ZNF700: variants seen among roughly 807,000 people sequenced by gnomAD.
ZNF700 encodes zinc finger protein 700.
Under a neutral mutation model 65.3 loss-of-function variants are expected in ZNF700, and 38 were observed. The ratio of observed to expected loss-of-function variants is 0.58; its 90% CI spans 0.45 to 0.76. ZNF700 has a LOEUF of 0.76. ZNF700 is among the 30% of genes least tolerant of loss of function. The pLI is 0.00. For missense variants in ZNF700, 857 were observed against 888.4 expected (o/e 0.96, Z 0.45); for synonymous variants, 285 against 290.4 (o/e 0.98, Z 0.19).
chr19:11,948,498 A>G lies in ZNF700; in HGVS notation c.474A>G (p.Glu158=), dbSNP rs570416457. The G allele has an allele frequency of 2.2e-5, 35 of 1,613,860 alleles. No individual in the cohort carries two copies. Among genetic ancestry groups the G allele is most frequent in the Non-Finnish European group, 2.8e-5 (33 of 1,179,982 alleles). Residue 158 remains glutamate, a synonymous_variant, in exon 4 of 4, where the codon GAA becomes GAG. Coordinates refer to ENST00000254321, the MANE Select transcript of ZNF700 (RefSeq NM_144566.3). ...DTGHKAYEYQ[E]YGPKPYKCQQ... is the part of the protein sequence containing the mutation. ...GACACAAGGCATATGAGTATCAGGA[A>G]TATGGACCAAAGCCATATAAGTGTC...
At chr19:11,945,365 T>C (rs2145296916) in intron 1 of ZNF700, among the ~76,000 whole-genome samples, 1 of 152,332 alleles carries the variant, frequency 6.6e-6, no homozygotes, top group South Asian at 2.1e-4. Flanking sequence ...TGACCTGCTT[T>C]CTTTCTGAGC....
At chr19:11,928,728 T>C in intron 1 of ZNF700, among the ~76,000 whole-genome samples, 1 of 112,278 alleles carries the variant, frequency 8.9e-6, no homozygotes, top group Admixed American at 9.1e-5. Context: ...CGAGACTCCG[T>C]CTCAAAAAAA....
chr19:11,935,626 C>G (rs551188280), intron 1 of ZNF700, among the ~76,000 whole-genome samples: 8 of 152,248 alleles, frequency 5.3e-5, no homozygotes, highest in African/African-American at 1.9e-4. Context: ...GATAGGCGTT[C>G]TGCAATTATT....
rs763006583 is a variant in ZNF700, at chr19:11,949,374, A to G, written c.1350A>G (p.Glu450=). The G allele has an allele frequency of 4.3e-6, 7 of 1,613,352 alleles. No homozygotes were observed. The highest frequency in any genetic ancestry group is 2.7e-5 in the African/African-American group (2 of 74,728). ...GAGAGAAACCCTATGAATGTAAGGA[A>G]TGTGGGAAAGCCTTCAGATCTACCT... ...HTGEKPYECK[E]CGKAFRSTSH... is the part of the protein sequence containing the mutation. The change falls in exon 4 of 4, where the codon GAA becomes GAG. Residue 450 remains glutamate, a synonymous_variant. Coordinates refer to ENST00000254321, the MANE Select transcript of ZNF700 (RefSeq NM_144566.3).
At chr19:11,945,710 TTCC>T (rs986323452) in intron 1 of ZNF700, among the ~76,000 whole-genome samples, 2 of 152,048 alleles carry the variant, frequency 1.3e-5, no homozygotes, top group African/African-American at 4.8e-5. Flanking sequence ...AAAGTCTTCA[TTCC>T]TCCTCCTGGG....
At chr19:11,939,417 G>A (rs1408812110) in intron 1 of ZNF700, among the ~76,000 whole-genome samples, 1 of 152,144 alleles carries the variant, frequency 6.6e-6, no homozygotes, top group Non-Finnish European at 1.5e-5. Context: ...GCGTAAGGAA[G>A]GGATCCAGTT....
chr19:11,938,417 ATGT>A (rs1311511347), intron 1 of ZNF700, among the ~76,000 whole-genome samples: 2 of 151,924 alleles, frequency 1.3e-5, no homozygotes, highest in Non-Finnish European at 2.9e-5. Context: ...CCGGTGTGTG[ATGT>A]TCCCCTCCCT....
At chr19:11,932,638 T>A (rs1952640371) in intron 1 of ZNF700, among the ~76,000 whole-genome samples, 1 of 115,868 alleles carries the variant, frequency 8.6e-6, no homozygotes, top group South Asian at 2.4e-4. Flanking sequence ...ATATGTGATT[T>A]TTTTTTTTTT....
At chr19:11,939,486 G>A (rs569582682) in intron 1 of ZNF700, among the ~76,000 whole-genome samples, 15 of 152,230 alleles carry the variant, frequency 9.9e-5, no homozygotes, top group African/African-American at 2.6e-4. Context: ...ATAGGGAATC[G>A]TTTCCCCATT....
rs560411683 is a variant in ZNF700 at position 11,950,426 on chromosome 19, C to T, written c.*173C>T. The T allele has an allele frequency of 4.2e-5, 32 of 767,804 alleles. No individual in the cohort carries two copies. The highest frequency in any genetic ancestry group is 7.0e-5 in the Non-Finnish European group (31 of 444,016). The allele number at this position is 767,804 out of a possible 1,614,324, so 47.6% of individuals were successfully genotyped here. A position where few individuals can be genotyped will look rare whatever the true frequency, so the allele number is the denominator to read the frequency against. On this transcript the variant is annotated 3_prime_UTR_variant, in exon 4 of 4. Coordinates refer to ENST00000254321, the MANE Select transcript of ZNF700 (RefSeq NM_144566.3). Reference sequence around the variant, plus strand: ...TGTGGGAAAGCCTTCATTCCTTTTACTTCTTTTCAATGTCATGAAAGGACT... The same window carrying T: ...TGTGGGAAAGCCTTCATTCCTTTTATTTCTTTTCAATGTCATGAAAGGACT...
intron 1 of ZNF700, among the ~76,000 whole-genome samples, chr19:11,934,901 T>C (rs764594652): frequency 6.9e-6 from 1 of 145,458 alleles, no homozygotes; most frequent in Non-Finnish European, 1.5e-5. Context: ...CAGTCTTTGG[T>C]CGGGTGCGGT....
At chr19:11,944,177 T>C (rs779320220) in intron 1 of ZNF700, among the ~76,000 whole-genome samples, 5 of 152,184 alleles carry the variant, frequency 3.3e-5, no homozygotes, top group Non-Finnish European at 7.3e-5. Context: ...GTGTAATTTT[T>C]CGTAAGGCCT....
At chr19:11,938,470 T>C (rs1483575775) in intron 1 of ZNF700, among the ~76,000 whole-genome samples, 4 of 151,728 alleles carry the variant, frequency 2.6e-5, no homozygotes, top group Non-Finnish European at 5.9e-5. Context: ...CACCTATGAG[T>C]GAGAATATGC....
intron 1 of ZNF700, among the ~76,000 whole-genome samples, chr19:11,930,629 C>A (rs1972699124): frequency 6.7e-6 from 1 of 148,400 alleles, no homozygotes; most frequent in Non-Finnish European, 1.5e-5. Flanking sequence ...CCATTTGTCC[C>A]TGCTTTTTCT....
intron 1 of ZNF700, among the ~76,000 whole-genome samples, chr19:11,936,498 G>A (rs944148056): frequency 6.6e-6 from 1 of 152,184 alleles, no homozygotes; most frequent in Non-Finnish European, 1.5e-5. Context: ...TTTGAGAAAT[G>A]TCTGTTCATG....
Position 11,949,391 on chromosome 19 carries a change from G to A in ZNF700, c.1367G>A (p.Arg456Lys), listed in dbSNP as rs1423595604. The change falls in exon 4 of 4, where the codon AGA becomes AAA. Residue 456 changes from arginine (R) to lysine (K), a missense_variant. Transcript: ENST00000254321. ...YECKECGKAF[R>K]STSHLRVHGR... ...TGTAAGGAATGTGGGAAAGCCTTCA[G>A]ATCTACCTCACACCTTCGAGTGCAT... 2 of 1,613,794 alleles carry A rather than the reference G, an allele frequency of 1.2e-6. No homozygotes were observed. Among genetic ancestry groups the A allele is most frequent in the East Asian group, 4.5e-5 (2 of 44,874 alleles).
chr19:11,946,545 CTAAG>C (rs1206391155), intron 1 of ZNF700, among the ~76,000 whole-genome samples: 2 of 152,124 alleles, frequency 1.3e-5, no homozygotes, highest in Non-Finnish European at 2.9e-5. Context: ...CCAGCTGTAA[CTAAG>C]TGTCTGTGTA....
chr19:11,933,660 A>G (rs1972746689), intron 1 of ZNF700, among the ~76,000 whole-genome samples: 1 of 148,040 alleles, frequency 6.8e-6, no homozygotes, highest in South Asian at 2.1e-4. Flanking sequence ...TCCTCGATGT[A>G]AAAATATGCA....
Position 11,925,152 on chromosome 19 carries a change from C to T in ZNF700, c.-59C>T, listed in dbSNP as rs909523183. 4 of 1,599,666 alleles carry T rather than the reference C, an allele frequency of 2.5e-6. No individual in the cohort carries two copies. The highest frequency in any genetic ancestry group is 3.4e-6 in the Non-Finnish European group (4 of 1,170,322). On this transcript the variant is annotated 5_prime_UTR_variant, in exon 1 of 4. Coordinates refer to ENST00000254321, the MANE Select transcript of ZNF700 (RefSeq NM_144566.3). Reference sequence around the variant, plus strand: ...GGGCGGCGGTTGGTAACCGGTCAGACCAGCCCGAGAGGGACCTGGTGCCTG... The same window carrying T: ...GGGCGGCGGTTGGTAACCGGTCAGATCAGCCCGAGAGGGACCTGGTGCCTG...
Sources: gnomAD v4.1 joint callset for allele counts (sites outside exome capture counted in the v4.1 genomes callset) on GRCh38, gnomAD v4.1.1 for gene constraint, MANE v1.5 for transcripts, NCBI Gene and HGNC (gene_info 2026-07-23, HGNC 2026-07-21) for gene names.